STX18: variants seen among roughly 807,000 people sequenced by gnomAD.
STX18 encodes the protein syntaxin 18, also known as syntaxin-18.
A neutral mutation model predicts 50.1 loss-of-function variants in STX18; 40 were observed. The ratio of observed to expected loss-of-function variants is 0.80; its 90% CI spans 0.62 to 1.04. The LOEUF is 1.04. Ranked by LOEUF, STX18 falls within the 50% of genes least tolerant of loss-of-function variation. The probability of loss-of-function intolerance (pLI) is 0.00; values close to 1 mark genes in which losing one functional copy is unlikely to be tolerated. For synonymous variants in STX18, 158 were observed against 151.8 expected, an observed-to-expected ratio of 1.04 and a Z score of -0.30; for missense variants, 410 against 415.8, an observed-to-expected ratio of 0.99 and a Z score of 0.12.
At chr4:4,423,427 GAGC>G in intron 9 of STX18, 88 bp downstream of exon 9, 1 of 1,252,068 alleles carries the variant, frequency 8.0e-7, no homozygotes, top group East Asian at 2.4e-5. Flanking sequence ...TGGCTGTGTA[GAGC>G]AGCAGCCTTT....
chr4:4,446,098 C>T (rs1204816399), intron 5 of STX18, among the ~76,000 whole-genome samples: 1 of 152,054 alleles, frequency 6.6e-6, no homozygotes, highest in Non-Finnish European at 1.5e-5. Context: ...TTTAAACAAA[C>T]ATTGATATAA....
intron 5 of STX18, among the ~76,000 whole-genome samples, chr4:4,446,916 G>C (rs548755968): frequency 2.0e-5 from 3 of 152,324 alleles, no homozygotes; most frequent in African/African-American, 4.8e-5. Context: ...GGATGGATAA[G>C]CCAGTGGGGT....
chr4:4,481,312 T>C (rs1259801953), intron 1 of STX18, among the ~76,000 whole-genome samples: 1 of 152,190 alleles, frequency 6.6e-6, no homozygotes, highest in Non-Finnish European at 1.5e-5. Flanking sequence ...CTGCTGGCAC[T>C]CACAACACTT....
chr4:4,537,041 C>A (rs373572023), intron 1 of STX18, among the ~76,000 whole-genome samples: 1 of 152,214 alleles, frequency 6.6e-6, no homozygotes, highest in Admixed American at 6.5e-5. Context: ...CTTTCCTGTG[C>A]GGTGCTCTTC....
At chr4:4,534,893 G>C (rs1220008845) in intron 1 of STX18, among the ~76,000 whole-genome samples, 1 of 152,248 alleles carries the variant, frequency 6.6e-6, no homozygotes, top group African/African-American at 2.4e-5. Flanking sequence ...CAACTAGGCA[G>C]TGGGCCGGAT....
intron 6 of STX18, among the ~76,000 whole-genome samples, chr4:4,437,092 T>G (rs1725831045): frequency 6.6e-6 from 1 of 152,056 alleles, no homozygotes; most frequent in Non-Finnish European, 1.5e-5. Context: ...CCCCAGTAGC[T>G]GGGATTACAG....
rs1026397782 is a variant in STX18 at position 4,423,926 on chromosome 4, A to C, written c.762-339T>G. 15 of 343,830 alleles carry C rather than the reference A, an allele frequency of 4.4e-5. No individual in the cohort carries two copies. In the East Asian group the frequency reaches 1.0e-3, roughly 23 times the overall value. The allele number at this position is 343,830 out of a possible 1,614,324, so 21.3% of individuals were successfully genotyped here. A position where few individuals can be genotyped will look rare whatever the true frequency, so the allele number is the denominator to read the frequency against. ...GAGGGCCTGGTTGTGCCCCAGTTAC[A>C]GAAAGCAGTCTCCAGTAAGTTCTCT... is the stretch of plus-strand genomic sequence containing the variant. On this transcript the variant is annotated intron_variant, in intron 8 of 10. Transcript: ENST00000306200.
chr4:4,465,934 G>A (rs986569926), intron 2 of STX18, among the ~76,000 whole-genome samples: 4 of 152,106 alleles, frequency 2.6e-5, no homozygotes, highest in Non-Finnish European at 5.9e-5. Flanking sequence ...TATGGCACAT[G>A]GTAGGCACTC....
chr4:4,493,968 T>G (rs565860168), intron 1 of STX18, among the ~76,000 whole-genome samples: 1 of 152,222 alleles, frequency 6.6e-6, no homozygotes, highest in Non-Finnish European at 1.5e-5. Context: ...TTCCCTCTCA[T>G]GCAAGAAAAG....
intron 1 of STX18, among the ~76,000 whole-genome samples, chr4:4,504,460 G>A (rs1729602182): frequency 6.6e-6 from 1 of 152,140 alleles, no homozygotes; most frequent in Non-Finnish European, 1.5e-5. Flanking sequence ...GGAGTACACA[G>A]ACAATAAAGC....
intron 2 of STX18, among the ~76,000 whole-genome samples, chr4:4,463,023 C>A (rs1727459177): frequency 6.6e-6 from 1 of 152,232 alleles, no homozygotes; most frequent in South Asian, 2.1e-4. Context: ...AAGCTTAAAA[C>A]AACTGCAAAG....
chr4:4,517,744 C>T (rs1730338600), intron 1 of STX18, among the ~76,000 whole-genome samples: 1 of 151,872 alleles, frequency 6.6e-6, no homozygotes, highest in African/African-American at 2.4e-5. Flanking sequence ...ATGAATATAG[C>T]AATCATCATT....
chr4:4,471,307 G>A (rs767683640), intron 2 of STX18, among the ~76,000 whole-genome samples: 6 of 152,202 alleles, frequency 3.9e-5, no homozygotes, highest in Admixed American at 6.5e-5. Context: ...TGAAAACTTT[G>A]TTCTTCCACA....
chr4:4,428,785 A>C (rs2082587761), intron 7 of STX18, among the ~76,000 whole-genome samples: 2 of 152,040 alleles, frequency 1.3e-5, no homozygotes, highest in Non-Finnish European at 2.9e-5. Flanking sequence ...TGAATGAAAG[A>C]CCTGGTCTCC....
chr4:4,505,338 T>C (rs1027534797), intron 1 of STX18, among the ~76,000 whole-genome samples: 2 of 152,320 alleles, frequency 1.3e-5, no homozygotes, highest in Non-Finnish European at 2.9e-5. Context: ...AACAAAATCA[T>C]ATCCAAAGAA....
chr4:4,500,064 T>A (rs909731314), intron 1 of STX18, among the ~76,000 whole-genome samples: 7 of 151,878 alleles, frequency 4.6e-5, no homozygotes, highest in African/African-American at 1.5e-4. Flanking sequence ...ATGGGATTTT[T>A]AGAGTTTTCT....
At chr4:4,470,254 T>C (rs1409259644) in intron 2 of STX18, among the ~76,000 whole-genome samples, 1 of 152,134 alleles carries the variant, frequency 6.6e-6, no homozygotes, top group Non-Finnish European at 1.5e-5. Context: ...TGTGGAGAGT[T>C]GTCCTGAGTT....
chr4:4,419,187 TGTTCCTGTTTACA>T lies in STX18; in HGVS notation c.*834_*846del, dbSNP rs1290799794. 4 of 152,266 alleles carry T rather than the reference TGTTCCTGTTTACA, an allele frequency of 2.6e-5. No individual in the cohort carries two copies. Among genetic ancestry groups the T allele is most frequent in the Non-Finnish European group, 5.9e-5 (4 of 68,068 alleles). 9.4% of individuals were successfully genotyped at this position (152,266 alleles called of 1,614,324 possible). A position where few individuals can be genotyped will look rare whatever the true frequency, so the allele number is the denominator to read the frequency against. Reference sequence around the variant, plus strand: ...TCTCATGCCTTCAGTTACACATAGGTGTTCCTGTTTACAGTTCCTGGAGGTCAGAAGCACAGGC... The same window carrying T: ...TCTCATGCCTTCAGTTACACATAGGTGTTCCTGGAGGTCAGAAGCACAGGC... On this transcript the variant is annotated 3_prime_UTR_variant, in exon 11 of 11. Transcript: ENST00000306200.
intron 1 of STX18, among the ~76,000 whole-genome samples, chr4:4,504,095 T>G (rs1729584184): frequency 6.6e-6 from 1 of 152,122 alleles, no homozygotes; most frequent in African/African-American, 2.4e-5. Flanking sequence ...ACAAATAAAA[T>G]TCTATGAAGC....
Sources: allele counts gnomAD v4.1 joint callset (sites outside exome capture counted in the v4.1 genomes callset), GRCh38; gene constraint gnomAD v4.1.1; transcripts MANE v1.5; gene names NCBI Gene and HGNC (gene_info 2026-07-23, HGNC 2026-07-21).